Variants in PLEKHH2 observed in about 807,000 individuals in gnomAD.
PLEKHH2 encodes pleckstrin homology domain-containing family H member 2.
PLEKHH2 carries 129 observed loss-of-function variants against 187.9 expected under a neutral mutation model. That is an observed-to-expected ratio of 0.69 (90% CI 0.59 to 0.79). The LOEUF is 0.79. PLEKHH2 is among the 30% of genes least tolerant of loss of function. PLEKHH2 has a pLI of 0.00. For missense variants in PLEKHH2, 2,076 were observed against 1,751.2 expected (o/e 1.19, Z -3.31); for synonymous variants, 686 against 605.6 (o/e 1.13, Z -1.95).
At chr2:43,644,935 GC>G in intron 2 of PLEKHH2, 139 bp downstream of exon 2, 1 of 979,468 alleles carries the variant, frequency 1.0e-6, no homozygotes, top group Non-Finnish European at 1.4e-6. Flanking sequence ...ATATTCTTTT[GC>G]CAGTGTTAGG....
chr2:43,642,855 T>C (rs971618187), intron 1 of PLEKHH2, among the ~76,000 whole-genome samples: 1 of 152,152 alleles, frequency 6.6e-6, no homozygotes, highest in Non-Finnish European at 1.5e-5. Flanking sequence ...TTATTTTACA[T>C]GTAGAGCAAA....
chr2:43,644,648 G>A, intron 1 of PLEKHH2, 23 bp from the exon 2 acceptor site: 6 of 1,478,658 alleles, frequency 4.1e-6, no homozygotes, highest in Middle Eastern at 1.8e-4. Context: ...TTAATTTTTT[G>A]TTTATTTATT....
rs560309638 is a variant in PLEKHH2, at chr2:43,718,310, C to T, written c.2461-2359C>T. ...ATCCCAGCACTTTGGGAGGCCGAGG[C>T]GGGCAGATCACAAGGTCAAGAGATT... On this transcript the variant is annotated intron_variant, in intron 15 of 29. Coordinates refer to ENST00000282406, the MANE Select transcript of PLEKHH2 (RefSeq NM_172069.4). Among the ~76,000 whole-genome samples, 15 of 152,052 alleles carry T rather than the reference C, an allele frequency of 9.9e-5. No homozygotes were observed. The East Asian group carries it at 2.1e-3, about 22-fold the overall frequency.
chr2:43,641,450 C>T (rs1254061998), intron 1 of PLEKHH2, among the ~76,000 whole-genome samples: 2 of 151,864 alleles, frequency 1.3e-5, no homozygotes, highest in Non-Finnish European at 2.9e-5. Flanking sequence ...TTGAATGTGG[C>T]CCAAAACAAA....
chr2:43,669,231 T>C (rs1367631813), intron 2 of PLEKHH2, among the ~76,000 whole-genome samples: 1 of 152,072 alleles, frequency 6.6e-6, no homozygotes, highest in African/African-American at 2.4e-5. Context: ...GAAAAGATAG[T>C]ATACAAAAAA....
At chr2:43,755,723 T>G (rs1224850822) in intron 25 of PLEKHH2, among the ~76,000 whole-genome samples, 2 of 152,194 alleles carry the variant, frequency 1.3e-5, no homozygotes, top group Non-Finnish European at 2.9e-5. Flanking sequence ...GGTGGCTGAT[T>G]GATGCCGGCT....
chr2:43,695,349 A>C (rs1320990894), intron 6 of PLEKHH2, 125 bp downstream of exon 6: 4 of 484,256 alleles, frequency 8.3e-6, no homozygotes, highest in Non-Finnish European at 1.4e-5. Flanking sequence ...AAAATGAAAG[A>C]GAATTACTAA....
In PLEKHH2 at chr2:43,726,281, G is replaced by C; in HGVS notation, c.2551G>C (p.Gly851Arg). 6.2e-7 allele frequency: 1 copy of C among 1,606,000 alleles called. No individual in the cohort carries two copies. ...FRSQEDKFPL[G>R]QIKLWEAKVE... ...CTAATATTTACTTTAGTTTCCTTTA[G>C]GTCAGATCAAACTCTGGGAGGCTAA... The change falls in exon 17 of 30, where the codon GGT becomes CGT. Residue 851 changes from glycine (G) to arginine (R), a missense_variant. Transcript: ENST00000282406.
Position 43,700,471 on chromosome 2 carries a change from A to G in PLEKHH2, c.1513A>G (p.Thr505Ala). Residue 505 changes from threonine (T) to alanine (A), a missense_variant, in exon 8 of 30, where the codon ACG becomes GCG. Transcript: ENST00000282406. ...TACAGAAGTTTTAGAGAATATGGACACGAGTTGTGATGATGGATTATTTTC... is the reference window on the plus strand; with the variant it reads ...TACAGAAGTTTTAGAGAATATGGACGCGAGTTGTGATGATGGATTATTTTC... Reference protein sequence around the residue: ...DSTEVLENMDTSCDDGLFSYD... With the variant: ...DSTEVLENMDASCDDGLFSYD... The G allele has an allele frequency of 6.2e-7, 1 of 1,614,116 alleles. No individual in the cohort carries two copies. The highest frequency in any genetic ancestry group is 8.5e-7 in the Non-Finnish European group (1 of 1,180,028).
At chr2:43,666,260 C>G (rs1467245909) in intron 2 of PLEKHH2, among the ~76,000 whole-genome samples, 1 of 151,162 alleles carries the variant, frequency 6.6e-6, no homozygotes, top group Non-Finnish European at 1.5e-5. Context: ...TCACCCCTTT[C>G]TTTGACTCGG....
chr2:43,684,270 A>G (rs1280764986), intron 3 of PLEKHH2, among the ~76,000 whole-genome samples: 1 of 148,132 alleles, frequency 6.8e-6, no homozygotes, highest in Non-Finnish European at 1.5e-5. Context: ...TGGCCTTCCT[A>G]GTAGCATCTT....
intron 23 of PLEKHH2, among the ~76,000 whole-genome samples, chr2:43,744,867 C>CAAAAAAAAAAAAA (rs774106764): frequency 9.7e-5 from 8 of 82,746 alleles, no homozygotes; most frequent in African/African-American, 1.7e-4. Flanking sequence ...GACTGTCTCA[C>CAAAAAAAAAAAAA]AAAAAAAAAA....
chr2:43,712,680 T>A (rs996462744), intron 15 of PLEKHH2, among the ~76,000 whole-genome samples: 1 of 152,186 alleles, frequency 6.6e-6, no homozygotes, highest in Non-Finnish European at 1.5e-5. Flanking sequence ...AACTGGTTAA[T>A]ATCATTAATA....
chr2:43,671,953 C>A (rs1395259921), intron 2 of PLEKHH2, among the ~76,000 whole-genome samples: 1 of 152,242 alleles, frequency 6.6e-6, no homozygotes, highest in African/African-American at 2.4e-5. Context: ...GGAAGCATTC[C>A]CTTCTCTTAT....
chr2:43,726,974 A>G (rs1191328669), intron 17 of PLEKHH2, among the ~76,000 whole-genome samples: 1 of 152,200 alleles, frequency 6.6e-6, no homozygotes, highest in Non-Finnish European at 1.5e-5. Context: ...TCTCATACAG[A>G]TAGCAAAATA....
chr2:43,686,168 C>T (rs6733423), intron 3 of PLEKHH2, among the ~76,000 whole-genome samples: 2 of 151,528 alleles, frequency 1.3e-5, no homozygotes, highest in African/African-American at 2.4e-5. Flanking sequence ...CCTCTTCCTT[C>T]TTCCTCTTCC....
chr2:43,703,457 C>T (rs765828730), intron 8 of PLEKHH2, among the ~76,000 whole-genome samples: 38 of 152,138 alleles, frequency 2.5e-4, no homozygotes, highest in Non-Finnish European at 4.3e-4. Context: ...CATAGGAAGG[C>T]GATAGCATTT....
In PLEKHH2 at chr2:43,765,609, G is replaced by A; in HGVS notation, c.*11G>A. The A allele has an allele frequency of 6.2e-7, 1 of 1,611,176 alleles. No homozygotes were observed. The highest frequency in any genetic ancestry group is 8.5e-7 in the Non-Finnish European group (1 of 1,178,908). On this transcript the variant is annotated 3_prime_UTR_variant, in exon 30 of 30. Transcript: ENST00000282406. The stretch of plus-strand genomic sequence containing the variant: ...CCCACCTTACTCTGAAAGCTGGGGA[G>A]CCTGAACATTCACTCCTTGTCCTCC...
intron 3 of PLEKHH2, among the ~76,000 whole-genome samples, chr2:43,682,351 G>C (rs1384156681): frequency 1.3e-5 from 2 of 151,860 alleles, no homozygotes; most frequent in Admixed American, 1.3e-4. Flanking sequence ...CTGTCACCTG[G>C]GCTGGAGTGC....
Sources: gnomAD v4.1 joint callset for allele counts (sites outside exome capture counted in the v4.1 genomes callset) on GRCh38, gnomAD v4.1.1 for gene constraint, MANE v1.5 for transcripts, NCBI Gene and HGNC (gene_info 2026-07-23, HGNC 2026-07-21) for gene names.